The following B3GALT1 variants were observed in gnomAD, a reference collection of about 807,000 sequenced individuals.
The protein encoded by B3GALT1 is beta-1,3-galactosyltransferase 1.
A neutral mutation model predicts 23.2 loss-of-function variants in B3GALT1; 10 were observed. The observed-to-expected ratio is 0.43, with a 90% CI of 0.27 to 0.73. The LOEUF is 0.73. Ranked by LOEUF, B3GALT1 falls within the 30% of genes least tolerant of loss-of-function variation. The pLI is 0.21. For synonymous variants in B3GALT1, 156 were observed against 141.5 expected (o/e 1.10, Z -0.73); for missense variants, 299 against 405.4 (o/e 0.74, Z 2.25).
chr2:167,568,156 A>C (rs558998147), intron 2 of B3GALT1, among the ~76,000 whole-genome samples: 2 of 152,108 alleles, frequency 1.3e-5, no homozygotes, highest in Non-Finnish European at 1.5e-5. Flanking sequence ...GTTGTTTCCA[A>C]GTTTTGGCAA....
In B3GALT1 at chr2:167,376,727, C is replaced by CT. The variant is rs200374011; in HGVS notation, c.-511+83401dup. On this transcript the variant is annotated intron_variant, in intron 1 of 4. Coordinates refer to ENST00000392690, the MANE Select transcript of B3GALT1 (RefSeq NM_020981.4). ...CTGATTGTGCCTATTTGGATCTTCTCTTTTTTTTACTTTGTTAACCTAGCT... is the reference window on the plus strand; with the variant it reads ...CTGATTGTGCCTATTTGGATCTTCTCTTTTTTTTTACTTTGTTAACCTAGCT... Among the ~76,000 whole-genome samples, 153 of 151,840 alleles carry CT rather than the reference C, an allele frequency of 1.0e-3. 2 individuals are homozygous for CT. The South Asian group carries it at 0.014, about 14-fold the overall frequency.
intron 3 of B3GALT1, among the ~76,000 whole-genome samples, chr2:167,679,207 C>T (rs1286058060): frequency 9.9e-5 from 15 of 152,180 alleles, no homozygotes; most frequent in Non-Finnish European, 1.8e-4. Context: ...CAACCTCCGC[C>T]TCCCGGGTTC....
intron 3 of B3GALT1, among the ~76,000 whole-genome samples, chr2:167,673,496 T>A (rs11888890): frequency 0.029 from 4,485 of 152,182 alleles, 232 homozygotes; most frequent in African/African-American, 0.1. Context: ...AATTGCTGTT[T>A]ATTAGATTAA....
intron 2 of B3GALT1, among the ~76,000 whole-genome samples, chr2:167,492,024 T>C (rs1699716682): frequency 6.6e-6 from 1 of 152,204 alleles, no homozygotes; most frequent in Admixed American, 6.5e-5. Flanking sequence ...TCAGTCTTTA[T>C]ATTGGATATT....
intron 1 of B3GALT1, among the ~76,000 whole-genome samples, chr2:167,451,963 T>C (rs1030089024): frequency 6.6e-6 from 1 of 152,066 alleles, no homozygotes; most frequent in Non-Finnish European, 1.5e-5. Context: ...GCCAGGGAAG[T>C]GGAGGAGAGC....
intron 3 of B3GALT1, among the ~76,000 whole-genome samples, chr2:167,655,510 A>G (rs1314109079): frequency 6.6e-6 from 1 of 152,222 alleles, no homozygotes; most frequent in African/African-American, 2.4e-5. Context: ...CATATAAATT[A>G]TGGAATCATA....
chr2:167,413,011 A>G (rs1574069280), intron 1 of B3GALT1, among the ~76,000 whole-genome samples: 1 of 152,180 alleles, frequency 6.6e-6, no homozygotes, highest in Non-Finnish European at 1.5e-5. Flanking sequence ...AAATCAGAAT[A>G]TCTCTTGCTG....
At chr2:167,373,824 G>GGATTACAGGTGTGGGATCC (rs1697721909) in intron 1 of B3GALT1, among the ~76,000 whole-genome samples, 1 of 152,114 alleles carries the variant, frequency 6.6e-6, no homozygotes, top group Non-Finnish European at 1.5e-5. Context: ...TTCCCAAAGT[G>GGATTACAGGTGTGGGATCC]CTGGGATTAC....
chr2:167,690,286 T>C (rs1052915100), intron 3 of B3GALT1, among the ~76,000 whole-genome samples: 11 of 152,006 alleles, frequency 7.2e-5, no homozygotes, highest in Admixed American at 1.3e-4. Context: ...AAGTTAACTA[T>C]AAAATATAAA....
chr2:167,861,701 G>T (rs981132107), intron 4 of B3GALT1, among the ~76,000 whole-genome samples: 1 of 151,998 alleles, frequency 6.6e-6, no homozygotes, highest in Non-Finnish European at 1.5e-5. Flanking sequence ...GTCTCTATCC[G>T]ATTATCCCCC....
At chr2:167,447,934 G>T (rs1021405189) in intron 1 of B3GALT1, among the ~76,000 whole-genome samples, 1 of 152,114 alleles carries the variant, frequency 6.6e-6, no homozygotes. Flanking sequence ...CATCTTCTGC[G>T]TCGCTCATAC....
chr2:167,597,098 G>T (rs572308324), intron 2 of B3GALT1, among the ~76,000 whole-genome samples: 91 of 148,674 alleles, frequency 6.1e-4, no homozygotes, highest in African/African-American at 2.1e-3. Flanking sequence ...ATGTTTTTTG[G>T]TTTTTGTTTT....
intron 1 of B3GALT1, among the ~76,000 whole-genome samples, chr2:167,350,473 C>T (rs955533600): frequency 3.3e-5 from 5 of 152,186 alleles, no homozygotes. Flanking sequence ...CGACACCTCC[C>T]CTGTGTTCCC....
intron 3 of B3GALT1, among the ~76,000 whole-genome samples, chr2:167,762,490 G>C (rs545560085): frequency 6.6e-6 from 1 of 151,452 alleles, no homozygotes; most frequent in African/African-American, 2.4e-5. Flanking sequence ...TCTGCACTCA[G>C]GTCAAACAGA....
chr2:167,796,995 T>C (rs184559647), intron 3 of B3GALT1, among the ~76,000 whole-genome samples: 1 of 152,314 alleles, frequency 6.6e-6, no homozygotes, highest in African/African-American at 2.4e-5. Flanking sequence ...TTTTCAGTTT[T>C]AAGGTACATG....
At chr2:167,580,272 C>T (rs1231218896) in intron 2 of B3GALT1, among the ~76,000 whole-genome samples, 4 of 152,112 alleles carry the variant, frequency 2.6e-5, no homozygotes, top group African/African-American at 9.7e-5. Context: ...ATATATTTTG[C>T]TTTAGTTACT....
intron 3 of B3GALT1, chr2:167,713,593 G>C: frequency 1.1e-6 from 1 of 892,740 alleles, no homozygotes; most frequent in Non-Finnish European, 1.8e-6. Context: ...TTAAGTAACA[G>C]CAGTTACTTA....
chr2:167,768,481 G>A (rs1157595375), intron 3 of B3GALT1, among the ~76,000 whole-genome samples: 1 of 152,156 alleles, frequency 6.6e-6, no homozygotes, highest in African/African-American at 2.4e-5. Flanking sequence ...AGATTCTGAC[G>A]GAAGCCTGTT....
At chr2:167,801,645 G>GA (rs1406981687) in intron 3 of B3GALT1, among the ~76,000 whole-genome samples, 2 of 151,946 alleles carry the variant, frequency 1.3e-5, no homozygotes, top group Non-Finnish European at 2.9e-5. Flanking sequence ...GGATTCCTCG[G>GA]AAAAAAATAA....
Sources: allele counts gnomAD v4.1 joint callset (sites outside exome capture counted in the v4.1 genomes callset), GRCh38; gene constraint gnomAD v4.1.1; transcripts MANE v1.5; gene names NCBI Gene and HGNC (gene_info 2026-07-23, HGNC 2026-07-21).